Variants in PCNX2 observed in about 807,000 individuals in gnomAD.
PCNX2 encodes the protein pecanex 2.
Under a neutral mutation model 223.8 loss-of-function variants are expected in PCNX2, and 168 were observed. The ratio of observed to expected loss-of-function variants is 0.75; its 90% CI spans 0.66 to 0.85. PCNX2 has a LOEUF of 0.85. Among genes scored for constraint, PCNX2 ranks in the 40% least tolerant of loss-of-function variants. PCNX2 has a pLI of 0.00. For missense variants in PCNX2, 2,507 were observed against 2,675.5 expected (o/e 0.94, Z 1.39); for synonymous variants, 1,006 against 1,052.6 (o/e 0.96, Z 0.86).
chr1:233,081,006 G>A (rs1673332063), intron 23 of PCNX2, among the ~76,000 whole-genome samples: 1 of 152,120 alleles, frequency 6.6e-6, no homozygotes, highest in African/African-American at 2.4e-5. Context: ...AAAATCAAGG[G>A]CAGGTCATAG....
At position 233,194,293 on chromosome 1, in the gene PCNX2, G is replaced by C. The variant is rs1680592515; in HGVS notation, c.3066+4646C>G. On this transcript the variant is annotated intron_variant, in intron 15 of 33. Transcript: ENST00000258229. Reference sequence around the variant, plus strand: ...AGCTTTTAAGCAGAATTCTGTACCAGTGAAGATATCCTTCAAAAGTGAAGG... The same window carrying C: ...AGCTTTTAAGCAGAATTCTGTACCACTGAAGATATCCTTCAAAAGTGAAGG... 2.6e-5 allele frequency among the ~76,000 whole-genome samples: 4 copies of C among 152,184 alleles called. No homozygotes were observed. The South Asian group carries it at 6.2e-4, about 24-fold the overall frequency.
chr1:233,160,063 G>C (rs1678371681), intron 19 of PCNX2, among the ~76,000 whole-genome samples: 1 of 152,066 alleles, frequency 6.6e-6, no homozygotes, highest in African/African-American at 2.4e-5. Flanking sequence ...TCTTGTTATG[G>C]TTGGCTAGAA....
intron 23 of PCNX2, among the ~76,000 whole-genome samples, chr1:233,070,954 T>G (rs11590321): frequency 0.03 from 4,612 of 152,106 alleles, 110 homozygotes; most frequent in Admixed American, 0.064. Flanking sequence ...GGAGAATGGG[T>G]GAACCCGGGA....
At chr1:232,998,108 C>A in intron 32 of PCNX2, 143 bp downstream of exon 32, 1 of 802,684 alleles carries the variant, frequency 1.2e-6, no homozygotes, top group Non-Finnish European at 1.8e-6. Context: ...GCAGAACCTA[C>A]AAGAGTCTGC....
chr1:233,191,384 G>A (rs925688550), intron 15 of PCNX2, among the ~76,000 whole-genome samples: 1 of 152,162 alleles, frequency 6.6e-6, no homozygotes, highest in African/African-American at 2.4e-5. Context: ...CAAGTACAAT[G>A]ATATTTACAT....
At chr1:233,198,838 C>A (rs1386391048) in intron 15 of PCNX2, 101 bp downstream of exon 15, 1 of 1,168,002 alleles carries the variant, frequency 8.6e-7, no homozygotes, top group Non-Finnish European at 1.2e-6. Flanking sequence ...TTGCACAGAT[C>A]CGATTTCTCT....
chr1:232,986,235 A>G lies in PCNX2; in HGVS notation c.6097T>C (p.Phe2033Leu). Residue 2033 changes from phenylalanine to leucine, a missense_variant, in exon 33 of 34, where the codon TTC becomes CTC. Physicochemically the swap from Phe to Leu is conservative, Grantham distance 22. Transcript: ENST00000258229. The part of the protein sequence containing the change: ...SSTSSTLSFL[F>L]GKRSFSSALV... ...GCGCTGGAAAAGCTCCTCTTGCCGA[A>G]GAGGAAGCTCAGGGTGGAGCTGGTG... 6.4e-7 allele frequency: 1 copy of G among 1,560,216 alleles called. No homozygotes were observed. The highest frequency in any genetic ancestry group is 8.7e-7 in the Non-Finnish European group (1 of 1,152,034).
chr1:233,001,251 G>C lies in PCNX2; in HGVS notation c.5097+286C>G, dbSNP rs1300208905. Among the ~76,000 whole-genome samples, 1 of 152,072 alleles carries C rather than the reference G, an allele frequency of 6.6e-6. No individual in the cohort carries two copies. Among genetic ancestry groups the C allele is most frequent in the African/African-American group, 2.4e-5 (1 of 41,416 alleles). On this transcript the variant is annotated intron_variant, in intron 29 of 33. Transcript: ENST00000258229. The surrounding 1 kb of genome is among the most constrained non-coding windows in gnomAD (Gnocchi z 4.2). ...TCCCAGCACTTTGGGAGGCTAAGGC[G>C]GGCAGATCACTTAAGGTCGGGAGTT...
intron 19 of PCNX2, among the ~76,000 whole-genome samples, chr1:233,159,224 C>A (rs1678316841): frequency 6.6e-6 from 1 of 152,172 alleles, no homozygotes; most frequent in East Asian, 1.9e-4. Flanking sequence ...TCTACTTGGG[C>A]TGTTTCTAAC....
chr1:233,262,799 A>AT (rs1660126724), intron 2 of PCNX2, among the ~76,000 whole-genome samples, 159 bp downstream of exon 2: 1 of 152,256 alleles, frequency 6.6e-6, no homozygotes, highest in South Asian at 2.1e-4. Flanking sequence ...CTTGATTATG[A>AT]ATATCAATTT....
At chr1:233,051,436 A>C (rs968626799) in intron 25 of PCNX2, among the ~76,000 whole-genome samples, 1 of 152,218 alleles carries the variant, frequency 6.6e-6, no homozygotes, top group African/African-American at 2.4e-5. Flanking sequence ...AATGACATGG[A>C]ATCAACCTAG....
At chr1:233,031,722 A>C (rs1482641599) in intron 25 of PCNX2, 17 of 983,698 alleles carry the variant, frequency 1.7e-5, no homozygotes, top group Non-Finnish European at 1.9e-5. Context: ...CTGATCCCAA[A>C]TCTTCGGATT....
chr1:233,002,520 T>C (rs1421451986), intron 28 of PCNX2, among the ~76,000 whole-genome samples: 2 of 152,162 alleles, frequency 1.3e-5, no homozygotes, highest in African/African-American at 4.8e-5. Flanking sequence ...CACAAACAAA[T>C]GGAAAAACAT....
chr1:233,257,914 C>T lies in PCNX2; in HGVS notation c.1834+114G>A, dbSNP rs556342792. 1.2e-4 allele frequency: 170 copies of T among 1,366,204 alleles called. No homozygotes were observed. In the African/African-American group the frequency reaches 2.3e-3, roughly 19 times the overall value. The allele number at this position is 1,366,204 out of a possible 1,614,324, so 84.6% of individuals were successfully genotyped here. A position where few individuals can be genotyped will look rare whatever the true frequency, so the allele number is the denominator to read the frequency against. ...ATTGATGAGAAAGCCAAGCAACAAA[C>T]GATTGCCCAAGAGTTGTCTCACTAT... On this transcript the variant is annotated intron_variant, in intron 5 of 33. Coordinates refer to ENST00000258229, the MANE Select transcript of PCNX2 (RefSeq NM_014801.4).
chr1:233,134,739 T>G, intron 21 of PCNX2: 75 of 495,462 alleles, frequency 1.5e-4, no homozygotes, highest in Middle Eastern at 5.3e-4. Flanking sequence ...AATCTTACAA[T>G]GAGATTGTTA....
In PCNX2 at chr1:233,001,057, A is replaced by C. The variant is rs1158008821; in HGVS notation, c.5097+480T>G. Among the ~76,000 whole-genome samples the C allele has an allele frequency of 6.6e-6, 1 of 152,056 alleles. No individual in the cohort carries two copies. The highest frequency in any genetic ancestry group is 1.5e-5 in the Non-Finnish European group (1 of 68,016). ...TTTTCTTTTTTTTTCCCCAAGAGAC[A>C]GGGTCTTGCACTGTCACCCAGGCTG... On this transcript the variant is annotated intron_variant, in intron 29 of 33. Transcript: ENST00000258229. The surrounding 1 kb of genome is among the most constrained non-coding windows in gnomAD (Gnocchi z 4.2).
In PCNX2 at chr1:233,259,346, T is replaced by C; in HGVS notation, c.518-2A>G. 1 of 1,602,276 alleles carries C rather than the reference T, an allele frequency of 6.2e-7. No individual in the cohort carries two copies. The highest frequency in any genetic ancestry group is 1.7e-5 in the Admixed American group (1 of 58,688). On this transcript the variant is annotated splice_acceptor_variant, in intron 4 of 33. Coordinates refer to ENST00000258229, the MANE Select transcript of PCNX2 (RefSeq NM_014801.4). LOFTEE classifies it high-confidence loss of function. ...GATGGTCTTCTAATAGAATGACACC[T>C]GAAATGACACATGGCAACTTTATTA...
At chr1:233,035,566 C>T (rs1054097086) in intron 25 of PCNX2, among the ~76,000 whole-genome samples, 2 of 152,198 alleles carry the variant, frequency 1.3e-5, no homozygotes, top group South Asian at 4.1e-4. Context: ...TCAAACCACC[C>T]ACCCATAAAG....
At position 233,025,161 on chromosome 1, in the gene PCNX2, G is replaced by A. The variant is rs1434944567; in HGVS notation, c.4590C>T (p.Ile1530=). The change falls in exon 26 of 34, where the codon ATC becomes ATT. Residue 1530 remains isoleucine (I), a synonymous_variant. Coordinates refer to ENST00000258229, the MANE Select transcript of PCNX2 (RefSeq NM_014801.4). ...AGAGCAATACCTTGATGTAGTAGCG[G>A]ATGAGGATCCTTCGGAGGTCAAACA... ...LQVFDLRRIL[I]RYYIKSIIYY... is the part of the protein sequence containing the mutation. 1.2e-6 allele frequency: 2 copies of A among 1,613,896 alleles called. No individual in the cohort carries two copies. Among genetic ancestry groups the A allele is most frequent in the African/African-American group, 2.7e-5 (2 of 74,930 alleles).
Sources: allele counts gnomAD v4.1 joint callset (sites outside exome capture counted in the v4.1 genomes callset), GRCh38; gene constraint gnomAD v4.1.1; non-coding constraint Gnocchi (gnomAD v3.1); transcripts MANE v1.5; gene names NCBI Gene and HGNC (gene_info 2026-07-23, HGNC 2026-07-21).